Variants in TMEM39A observed in about 807,000 individuals in gnomAD.
TMEM39A encodes the protein transmembrane protein 39A, also known as suppressor of SQST-1 aggregates in rpl-43 mutants.
In TMEM39A, 19 loss-of-function variants were observed where a neutral mutation model predicts 51.9. The ratio of observed to expected loss-of-function variants is 0.37; its 90% confidence interval spans 0.26 to 0.54. TMEM39A has a LOEUF of 0.54. Ranked by LOEUF, TMEM39A falls within the 20% of genes least tolerant of loss-of-function variation. The pLI, the probability that TMEM39A is intolerant of heterozygous loss-of-function variation, is 0.88. For missense variants in TMEM39A, 433 were observed against 590.5 expected, an observed-to-expected ratio of 0.73 and a Z score of 2.76; for synonymous variants, 197 against 220.2, an observed-to-expected ratio of 0.89 and a Z score of 0.93.
At chr3:119,458,347 C>T in intron 2 of TMEM39A, 107 bp from the exon 3 acceptor site, 1 of 877,582 alleles carries the variant, frequency 1.1e-6, no homozygotes, top group Non-Finnish European at 1.8e-6. Flanking sequence ...GTCTGCTTTC[C>T]CCACAAGACT....
At chr3:119,457,266 G>A (rs969470869) in intron 3 of TMEM39A, among the ~76,000 whole-genome samples, 10 of 152,162 alleles carry the variant, frequency 6.6e-5, no homozygotes, top group East Asian at 1.9e-4. Flanking sequence ...CACCGCGCCC[G>A]GCCTATCATG....
chr3:119,435,116 T>C (rs994308578), intron 7 of TMEM39A: 8 of 985,180 alleles, frequency 8.1e-6, no homozygotes, highest in Non-Finnish European at 8.4e-6. Context: ...GTTAACTCAG[T>C]GTCAAAGGAC....
chr3:119,438,620 CCAT>C (rs1023344774), intron 5 of TMEM39A, among the ~76,000 whole-genome samples: 2 of 152,028 alleles, frequency 1.3e-5, no homozygotes, highest in Non-Finnish European at 2.9e-5. Flanking sequence ...TATAGAAATA[CCAT>C]AATTTACCCA....
intron 2 of TMEM39A, among the ~76,000 whole-genome samples, chr3:119,458,810 G>A (rs550876548): frequency 3.9e-5 from 6 of 152,250 alleles, no homozygotes; most frequent in African/African-American, 4.8e-5. Context: ...CAGGAGAATC[G>A]CTTGAACTTA....
intron 3 of TMEM39A, among the ~76,000 whole-genome samples, chr3:119,457,084 C>T (rs1577065593): frequency 6.6e-6 from 1 of 152,106 alleles, no homozygotes; most frequent in East Asian, 1.9e-4. Context: ...CATTCTCCGG[C>T]CTCAGCCTCC....
intron 8 of TMEM39A, 86 bp downstream of exon 8, chr3:119,434,676 C>T: frequency 6.5e-7 from 1 of 1,537,498 alleles, no homozygotes; most frequent in South Asian, 1.2e-5. Context: ...GTATGTGCTA[C>T]ATGCTATGCT....
intron 4 of TMEM39A, among the ~76,000 whole-genome samples, chr3:119,448,277 T>C (rs1033408072): frequency 4.6e-5 from 7 of 152,218 alleles, no homozygotes; most frequent in Non-Finnish European, 7.3e-5. Context: ...TGCCATTTTC[T>C]TTCTGAATGA....
intron 2 of TMEM39A, among the ~76,000 whole-genome samples, chr3:119,459,488 T>C (rs1281429373): frequency 6.6e-6 from 1 of 152,062 alleles, no homozygotes; most frequent in Non-Finnish European, 1.5e-5. Flanking sequence ...ACAAAGTATA[T>C]GCAAGGAATA....
At position 119,430,664 on chromosome 3, in the gene TMEM39A, A is replaced by AT. The variant is rs1560005534; in HGVS notation, c.*1316dup. On this transcript the variant is annotated 3_prime_UTR_variant, in exon 9 of 9. Transcript: ENST00000319172. The stretch of plus-strand genomic sequence containing the variant: ...TAAAGAAACAATTATTGATTTAAAC[A>AT]TAAAACTGATATTGGGTACCTTGGT... 1 of 152,196 alleles carries AT rather than the reference A, an allele frequency of 6.6e-6. No homozygotes were observed. The highest frequency in any genetic ancestry group is 1.5e-5 in the Non-Finnish European group (1 of 68,004). The allele number at this position is 152,196 out of a possible 1,614,324, so 9.4% of individuals were successfully genotyped here. A position where few individuals can be genotyped will look rare whatever the true frequency, so the allele number is the denominator to read the frequency against.
intron 4 of TMEM39A, among the ~76,000 whole-genome samples, chr3:119,449,726 T>A (rs2081174442): frequency 6.6e-6 from 1 of 152,190 alleles, no homozygotes; most frequent in Non-Finnish European, 1.5e-5. Context: ...TTCAATAAAA[T>A]ATACTATTTT....
intron 5 of TMEM39A, among the ~76,000 whole-genome samples, chr3:119,444,993 T>C (rs1056153389): frequency 1.3e-5 from 2 of 152,046 alleles, no homozygotes; most frequent in South Asian, 2.1e-4. Context: ...GGTGGGAGAA[T>C]TGCTTGAGCC....
rs1341862371 is a variant in TMEM39A, at chr3:119,430,251, G to A, written c.*1730C>T. On this transcript the variant is annotated 3_prime_UTR_variant, in exon 9 of 9. Transcript: ENST00000319172. ...ACTGCCCTTTCTGCTACTGTAACAT[G>A]GAATTCTCCCCAAAGCTATTTATAT... The A allele has an allele frequency of 2.0e-5, 3 of 151,986 alleles. No individual in the cohort carries two copies. The highest frequency in any genetic ancestry group is 2.4e-5 in the African/African-American group (1 of 41,386). 9.4% of individuals were successfully genotyped at this position (151,986 alleles called of 1,614,324 possible).
intron 6 of TMEM39A, among the ~76,000 whole-genome samples, chr3:119,437,233 T>C (rs554828037): frequency 3.3e-5 from 5 of 152,278 alleles, no homozygotes; most frequent in African/African-American, 1.2e-4. Flanking sequence ...GAACTGAGTG[T>C]TCTCTGAAGG....
At chr3:119,448,269 C>T in intron 4 of TMEM39A, among the ~76,000 whole-genome samples, 1 of 152,058 alleles carries the variant, frequency 6.6e-6, no homozygotes, top group Middle Eastern at 3.2e-3. Flanking sequence ...CTCTGCAATG[C>T]CATTTTCTTT....
At chr3:119,443,791 G>A (rs948823504) in intron 5 of TMEM39A, among the ~76,000 whole-genome samples, 1 of 151,962 alleles carries the variant, frequency 6.6e-6, no homozygotes, top group African/African-American at 2.4e-5. Context: ...GTGGCACACG[G>A]CTACAGTCCC....
rs2080870113 is a variant in TMEM39A, at chr3:119,429,241, G to C, written c.*2740C>G. On this transcript the variant is annotated 3_prime_UTR_variant, in exon 9 of 9. Transcript: ENST00000319172. ...AGAGAGAGAAACGGCACAACAGGTGGCAGTGGTGGTGACTGATAGGGACAG... is the reference window on the plus strand; with the variant it reads ...AGAGAGAGAAACGGCACAACAGGTGCCAGTGGTGGTGACTGATAGGGACAG... 6.6e-6 allele frequency among the ~76,000 whole-genome samples: 1 copy of C among 151,834 alleles called. No individual in the cohort carries two copies. Among genetic ancestry groups the C allele is most frequent in the South Asian group, 2.1e-4 (1 of 4,786 alleles).
In TMEM39A at chr3:119,449,379, A is replaced by G. The variant is rs148449126; in HGVS notation, c.421-2207T>C. ...ACCTGAGGTCTGGAGTTTGAGACCA[A>G]CCTGGCCAACATGGTGAAACCCTGT... On this transcript the variant is annotated intron_variant, in intron 4 of 8. Coordinates refer to ENST00000319172, the MANE Select transcript of TMEM39A (RefSeq NM_018266.3). 8.0e-3 allele frequency among the ~76,000 whole-genome samples: 1,216 copies of G among 152,062 alleles called. 22 individuals carry two copies. Among genetic ancestry groups the G allele is most frequent in the South Asian group, 0.071 (343 of 4,812 alleles).
At chr3:119,455,299 G>A (rs978193138) in intron 3 of TMEM39A, among the ~76,000 whole-genome samples, 1 of 152,070 alleles carries the variant, frequency 6.6e-6, no homozygotes, top group Non-Finnish European at 1.5e-5. Context: ...ACTGATACAG[G>A]CTCCTTTCAG....
intron 3 of TMEM39A, among the ~76,000 whole-genome samples, chr3:119,454,046 G>C (rs1482189173): frequency 1.3e-5 from 2 of 152,172 alleles, no homozygotes; most frequent in Admixed American, 1.3e-4. Context: ...TGGGGACAAA[G>C]GGCCCCAGAC....
Sources: allele counts gnomAD v4.1 joint callset (sites outside exome capture counted in the v4.1 genomes callset), GRCh38; gene constraint gnomAD v4.1.1; transcripts MANE v1.5; gene names NCBI Gene and HGNC (gene_info 2026-07-23, HGNC 2026-07-21).